KHDRBS2: variants seen among roughly 807,000 people sequenced by gnomAD.
KHDRBS2 encodes KH domain-containing, RNA-binding, signal transduction-associated protein 2.
KHDRBS2 carries 26 observed loss-of-function variants against 44.3 expected under a neutral mutation model. The observed-to-expected ratio is 0.59, with a 90% confidence interval of 0.43 to 0.81. The LOEUF (loss-of-function observed/expected upper bound fraction) is 0.81, where lower values mean the gene tolerates loss of function less well. KHDRBS2 is among the 40% of genes least tolerant of loss of function. KHDRBS2 has a pLI of 0.00. For synonymous variants in KHDRBS2, 194 were observed against 151.1 expected (o/e 1.28, Z -2.08); for missense variants, 476 against 433.1 (o/e 1.10, Z -0.88).
chr6:61,951,538 G>A (rs1418442420), intron 4 of KHDRBS2, among the ~76,000 whole-genome samples: 2 of 151,890 alleles, frequency 1.3e-5, no homozygotes, highest in Non-Finnish European at 2.9e-5. Flanking sequence ...CTAACATATG[G>A]TCAATAATTT....
the KHDRBS2 span, among the ~76,000 whole-genome samples, chr6:61,657,872 TTG>T: frequency 6.6e-6 from 1 of 151,994 alleles, no homozygotes; most frequent in East Asian, 1.9e-4. Flanking sequence ...AAGCTAATGA[TTG>T]TGAGTCTTTG....
intron 6 of KHDRBS2, among the ~76,000 whole-genome samples, chr6:61,736,705 CTA>C (rs986074581): frequency 3.9e-5 from 6 of 151,930 alleles, no homozygotes; most frequent in Non-Finnish European, 5.9e-5. Context: ...CCTGAAATCC[CTA>C]TGTTTCCCCC....
intron 4 of KHDRBS2, among the ~76,000 whole-genome samples, chr6:61,929,095 G>A (rs1809518652): frequency 6.6e-6 from 1 of 152,050 alleles, no homozygotes; most frequent in South Asian, 2.1e-4. Context: ...ATTGGGCAAG[G>A]AAGTACAATA....
the KHDRBS2 span, among the ~76,000 whole-genome samples, chr6:61,595,371 C>G: frequency 1.3e-5 from 2 of 152,088 alleles, no homozygotes; most frequent in African/African-American, 4.8e-5. Flanking sequence ...TATTTAGTCA[C>G]ACAAAATTTA....
chr6:61,797,348 G>A (rs1209866052), intron 6 of KHDRBS2, among the ~76,000 whole-genome samples: 1 of 152,110 alleles, frequency 6.6e-6, no homozygotes, highest in East Asian at 1.9e-4. Context: ...TCACAAGCCA[G>A]TAAGGTAGGT....
chr6:62,062,563 A>T (rs1189887455), intron 2 of KHDRBS2, among the ~76,000 whole-genome samples: 5 of 151,088 alleles, frequency 3.3e-5, no homozygotes, highest in Admixed American at 2.6e-4. Context: ...AGAAATAAAG[A>T]TGTTCTTTGA....
rs937524075 is a variant in KHDRBS2 at position 62,161,585 on chromosome 6, G to T, written c.219+15600C>A. Among the ~76,000 whole-genome samples, 24 of 112,496 alleles carry T rather than the reference G, an allele frequency of 2.1e-4. 3 individuals carry two copies. The highest frequency in any genetic ancestry group is 3.6e-4 in the Non-Finnish European group (20 of 55,278). 73.8% of individuals were successfully genotyped at this position (112,496 alleles called of 152,430 possible). A position where few individuals can be genotyped will look rare whatever the true frequency, so the allele number is the denominator to read the frequency against. On this transcript the variant is annotated intron_variant, in intron 2 of 8. Coordinates refer to ENST00000281156, the MANE Select transcript of KHDRBS2 (RefSeq NM_152688.4). The stretch of plus-strand genomic sequence containing the variant: ...ATTTTGGTATTTGCGGGGGGGGGGG[G>T]GGTCCCAGAACAAATCCTCTGAAGA...
the KHDRBS2 span, among the ~76,000 whole-genome samples, chr6:61,631,191 T>C: frequency 0.19 from 29,464 of 151,540 alleles, 3,329 homozygotes; most frequent in South Asian, 0.33. Context: ...ACAAACAGTT[T>C]ATGAGCACTG....
At chr6:62,034,395 G>GA (rs1320580499) in intron 3 of KHDRBS2, among the ~76,000 whole-genome samples, 2 of 151,920 alleles carry the variant, frequency 1.3e-5, no homozygotes, top group African/African-American at 4.8e-5. Context: ...TAATATCTCT[G>GA]ATGAATATTG....
chr6:61,869,846 C>A (rs564173525), intron 6 of KHDRBS2, among the ~76,000 whole-genome samples: 2 of 152,250 alleles, frequency 1.3e-5, no homozygotes, highest in African/African-American at 2.4e-5. Context: ...GCTTTTCCCA[C>A]GGTCTTCACA....
intron 6 of KHDRBS2, among the ~76,000 whole-genome samples, chr6:61,782,510 G>T (rs1022095043): frequency 1.3e-5 from 2 of 151,502 alleles, no homozygotes; most frequent in African/African-American, 4.8e-5. Context: ...CTCAATAAAC[G>T]ATCACAGATG....
intron 2 of KHDRBS2, among the ~76,000 whole-genome samples, chr6:62,163,408 T>C (rs188930137): frequency 2.0e-4 from 31 of 152,164 alleles, no homozygotes; most frequent in African/African-American, 6.5e-4. Flanking sequence ...TTATGAGGCA[T>C]TGAACTTTCT....
intron 1 of KHDRBS2, among the ~76,000 whole-genome samples, chr6:62,229,659 C>T (rs561208489): frequency 3.3e-5 from 5 of 152,148 alleles, no homozygotes; most frequent in South Asian, 2.1e-4. Flanking sequence ...TCTTCCAATT[C>T]GTGGGTTTCA....
intron 3 of KHDRBS2, among the ~76,000 whole-genome samples, chr6:61,990,824 C>T (rs976157668): frequency 6.6e-6 from 1 of 151,996 alleles, no homozygotes; most frequent in African/African-American, 2.4e-5. Context: ...ATTCTCCTGC[C>T]TCAACCTCCT....
intron 2 of KHDRBS2, among the ~76,000 whole-genome samples, chr6:62,127,237 AAGATAG>A (rs1169436981): frequency 6.6e-6 from 1 of 152,328 alleles, no homozygotes; most frequent in South Asian, 2.1e-4. Flanking sequence ...AAGTGTTTTG[AAGATAG>A]AGATAGATAT....
At chr6:62,156,793 T>A (rs1816500204) in intron 2 of KHDRBS2, among the ~76,000 whole-genome samples, 1 of 150,504 alleles carries the variant, frequency 6.6e-6, no homozygotes, top group African/African-American at 2.4e-5. Context: ...TGCCTCAGCC[T>A]CCTGAGTAGC....
At chr6:61,692,598 G>A (rs956041149) in intron 8 of KHDRBS2, among the ~76,000 whole-genome samples, 1 of 151,928 alleles carries the variant, frequency 6.6e-6, no homozygotes, top group African/African-American at 2.4e-5. Flanking sequence ...AGGCCCCAAG[G>A]AGACAAATAC....
chr6:61,999,066 A>G (rs1777744656), intron 3 of KHDRBS2, among the ~76,000 whole-genome samples: 1 of 152,114 alleles, frequency 6.6e-6, no homozygotes, highest in South Asian at 2.1e-4. Context: ...GCTGACTAAA[A>G]TTCTTTCTTG....
chr6:61,891,953 G>A (rs1397541993), intron 6 of KHDRBS2, among the ~76,000 whole-genome samples: 1 of 152,156 alleles, frequency 6.6e-6, no homozygotes, highest in Non-Finnish European at 1.5e-5. Flanking sequence ...AAAAAAGGAA[G>A]TCAAATTGTC....
Sources: allele counts gnomAD v4.1 joint callset (sites outside exome capture counted in the v4.1 genomes callset), GRCh38; gene constraint gnomAD v4.1.1; transcripts MANE v1.5; gene names NCBI Gene and HGNC (gene_info 2026-07-23, HGNC 2026-07-21).